SLC26A9: variants seen among roughly 807,000 people sequenced by gnomAD.
SLC26A9 encodes anion transporter/exchanger protein 9.
SLC26A9 carries 46 observed loss-of-function variants against 87.1 expected under a neutral mutation model. The observed-to-expected ratio is 0.53, with a 90% CI of 0.42 to 0.67. The LOEUF (loss-of-function observed/expected upper bound fraction) is 0.67. SLC26A9 is among the 30% of genes least tolerant of loss of function. SLC26A9 has a pLI of 0.00. For synonymous variants in SLC26A9, 437 were observed against 409.1 expected, an observed-to-expected ratio of 1.07 and a Z score of -0.82; for missense variants, 927 against 1,018.3, an observed-to-expected ratio of 0.91 and a Z score of 1.22.
chr1:205,914,782 AGGCCTAGACTCCTG>A lies in SLC26A9; in HGVS notation c.*561_*574del. 2.2e-6 allele frequency: 3 copies of A among 1,387,696 alleles called. No homozygotes were observed. The highest frequency in any genetic ancestry group is 2.9e-6 in the Non-Finnish European group (3 of 1,017,206). 86.0% of individuals were successfully genotyped at this position (1,387,696 alleles called of 1,614,324 possible). On this transcript the variant is annotated 3_prime_UTR_variant, in exon 21 of 21. Coordinates refer to ENST00000367135, the MANE Select transcript of SLC26A9 (RefSeq NM_052934.4). ...ATGGAGGGGGGGCGCATAGTTACCA[AGGCCTAGACTCCTG>A]GGTGTGGAGAGCACATGGTCCCTGG...
Position 205,913,877 on chromosome 1 carries a change from G to A in SLC26A9, c.*1480C>T, listed in dbSNP as rs1658469884. 6.6e-6 allele frequency: 1 copy of A among 152,290 alleles called. No individual in the cohort carries two copies. The highest frequency in any genetic ancestry group is 6.5e-5 in the Admixed American group (1 of 15,286). The allele number at this position is 152,290 out of a possible 1,614,324, so 9.4% of individuals were successfully genotyped here. A position where few individuals can be genotyped will look rare whatever the true frequency, so the allele number is the denominator to read the frequency against. Reference sequence around the variant, plus strand: ...ACACACAGACACACAACGCAGGTCTGGCTGAAGTTAGAAATGGGGATGTTT... The same window carrying A: ...ACACACAGACACACAACGCAGGTCTAGCTGAAGTTAGAAATGGGGATGTTT... On this transcript the variant is annotated 3_prime_UTR_variant, in exon 21 of 21. Coordinates refer to ENST00000367135, the MANE Select transcript of SLC26A9 (RefSeq NM_052934.4).
chr1:205,913,936 G>A lies in SLC26A9; in HGVS notation c.*1421C>T, dbSNP rs1477941436. On this transcript the variant is annotated 3_prime_UTR_variant, in exon 21 of 21. Transcript: ENST00000367135. Reference sequence around the variant, plus strand: ...TGGGCCAGCCCAACCTGTTAGGGAAGGGGTTGTTAAGCTGAAGAAGCTTGA... The same window carrying A: ...TGGGCCAGCCCAACCTGTTAGGGAAAGGGTTGTTAAGCTGAAGAAGCTTGA... 2 of 152,202 alleles carry A rather than the reference G, an allele frequency of 1.3e-5. No homozygotes were observed. The highest frequency in any genetic ancestry group is 4.8e-5 in the African/African-American group (2 of 41,448). 9.4% of individuals were successfully genotyped at this position (152,202 alleles called of 1,614,324 possible). A position where few individuals can be genotyped will look rare whatever the true frequency, so the allele number is the denominator to read the frequency against.
chr1:205,917,178 G>C, intron 20 of SLC26A9, 105 bp downstream of exon 20: 1 of 1,061,902 alleles, frequency 9.4e-7, no homozygotes, highest in Non-Finnish European at 1.4e-6. Flanking sequence ...TGACTGCTCT[G>C]GGCTGGAGGT....
At chr1:205,933,546 G>A (rs532814106) in intron 2 of SLC26A9, among the ~76,000 whole-genome samples, 2 of 152,308 alleles carry the variant, frequency 1.3e-5, no homozygotes, top group East Asian at 1.9e-4. Context: ...ACCCCACCAC[G>A]CATGGCAAGA....
At chr1:205,927,148 A>G (rs1475496750) in intron 11 of SLC26A9, 63 bp downstream of exon 11, 6 of 1,564,898 alleles carry the variant, frequency 3.8e-6, no homozygotes, top group Non-Finnish European at 5.3e-6. Flanking sequence ...GTGCCACACA[A>G]CTCTCAGGGA....
In SLC26A9 at chr1:205,936,140, G is replaced by C. The variant is rs146254902; in HGVS notation, c.-18-302C>G. Among the ~76,000 whole-genome samples, 202 of 152,286 alleles carry C rather than the reference G, an allele frequency of 1.3e-3. 2 individuals carry two copies. The South Asian group carries it at 0.017, about 13-fold the overall frequency. The stretch of plus-strand genomic sequence containing the variant: ...CACCCCCACTGAGCACCAGGCAAAG[G>C]GGAATCACGAGGGCAGGAGGCCCCA... On this transcript the variant is annotated intron_variant, in intron 1 of 20. Transcript: ENST00000367135.
chr1:205,934,739 T>C (rs925259867), intron 2 of SLC26A9, among the ~76,000 whole-genome samples: 1 of 152,240 alleles, frequency 6.6e-6, no homozygotes, highest in African/African-American at 2.4e-5. Flanking sequence ...CCTCAGACTT[T>C]GTGCCCTAAA....
intron 2 of SLC26A9, 138 bp downstream of exon 2, chr1:205,935,558 T>C: frequency 1.5e-6 from 2 of 1,347,648 alleles, no homozygotes; most frequent in Non-Finnish European, 2.0e-6. Flanking sequence ...GATCTTAAAT[T>C]CATCATTCAG....
Position 205,915,098 on chromosome 1 carries a change from C to A in SLC26A9, c.*259G>T, listed in dbSNP as rs34309781. ...GAGTGAGCAGGAGGCTTGTCCATTG[C>A]GGCCAGGGCCTGACGGGTGAAGAGT... is the stretch of plus-strand genomic sequence containing the variant. On this transcript the variant is annotated 3_prime_UTR_variant, in exon 21 of 21. Coordinates refer to ENST00000367135, the MANE Select transcript of SLC26A9 (RefSeq NM_052934.4). 26,039 of 1,613,942 alleles carry A rather than the reference C, an allele frequency of 0.016. 441 individuals are homozygous for A. Among genetic ancestry groups the A allele is most frequent in the Admixed American group, 0.084 (5,047 of 60,002 alleles).
At chr1:205,926,725 C>T (rs984006827) in intron 11 of SLC26A9, 95 bp from the exon 12 acceptor site, 87 of 1,006,784 alleles carry the variant, frequency 8.6e-5, no homozygotes, top group Non-Finnish European at 1.2e-4. Context: ...AGGACAGAGA[C>T]GGAGTTCTGG....
At chr1:205,936,008 C>T (rs1224717034) in intron 1 of SLC26A9, among the ~76,000 whole-genome samples, 170 bp from the exon 2 acceptor site, 1 of 152,188 alleles carries the variant, frequency 6.6e-6, no homozygotes, top group Non-Finnish European at 1.5e-5. Flanking sequence ...AGACTCCCTG[C>T]TCGCAGTGGC....
Position 205,915,257 on chromosome 1 carries a change from A to C in SLC26A9, c.*100T>G, listed in dbSNP as rs1352569642. 6.3e-7 allele frequency: 1 copy of C among 1,599,732 alleles called. No individual in the cohort carries two copies. The highest frequency in any genetic ancestry group is 8.5e-7 in the Non-Finnish European group (1 of 1,171,912). ...GAGGAACCCAAGCTCTGGGGGATGC[A>C]CTTTCCTCCGCCCGACACCCCCTGT... On this transcript the variant is annotated 3_prime_UTR_variant, in exon 21 of 21. Coordinates refer to ENST00000367135, the MANE Select transcript of SLC26A9 (RefSeq NM_052934.4).
chr1:205,924,431 G>A lies in SLC26A9; in HGVS notation c.1448C>T (p.Ala483Val), dbSNP rs1259513095. The change falls in exon 13 of 21, where the codon GCA (alanine) becomes GTA (valine). Residue 483 changes from alanine to valine, a missense_variant. Physicochemically the swap from Ala to Val is moderately conservative, Grantham distance 64. Coordinates refer to ENST00000367135, the MANE Select transcript of SLC26A9 (RefSeq NM_052934.4). ...CAGGACGGAGAAGGCGACACCCACTGCCACACCATAGGGCAGGCTGAGGAA... is the reference window on the plus strand; with the variant it reads ...CAGGACGGAGAAGGCGACACCCACTACCACACCATAGGGCAGGCTGAGGAA... ...SFFLSLPYGVAVGVAFSVLVV... is the reference protein window; with the variant it reads ...SFFLSLPYGVVVGVAFSVLVV... The A allele has an allele frequency of 1.9e-5, 30 of 1,614,088 alleles. No homozygotes were observed. In the Admixed American group the frequency reaches 4.8e-4, roughly 26 times the overall value.
At chr1:205,917,224 A>T (rs1658629937) in intron 20 of SLC26A9, 59 bp downstream of exon 20, 14 of 1,579,108 alleles carry the variant, frequency 8.9e-6, no homozygotes, top group Non-Finnish European at 1.1e-5. Context: ...TTTGACAGCG[A>T]CCCCATCCTT....
At chr1:205,921,023 C>T (rs1349937613) in intron 17 of SLC26A9, among the ~76,000 whole-genome samples, 1 of 152,254 alleles carries the variant, frequency 6.6e-6, no homozygotes, top group Non-Finnish European at 1.5e-5. Context: ...CATTGTTCCC[C>T]TGGCTTGCCT....
Position 205,913,956 on chromosome 1 carries a change from G to C in SLC26A9, c.*1401C>G, listed in dbSNP as rs1658472366. 6.6e-6 allele frequency: 1 copy of C among 152,184 alleles called. No individual in the cohort carries two copies. The highest frequency in any genetic ancestry group is 1.5e-5 in the Non-Finnish European group (1 of 68,034). 9.4% of individuals were successfully genotyped at this position (152,184 alleles called of 1,614,324 possible). ...GGGAAGGGGTTGTTAAGCTGAAGAA[G>C]CTTGAGAAAAGCAGTGATGAGAGGC... is the stretch of plus-strand genomic sequence containing the variant. On this transcript the variant is annotated 3_prime_UTR_variant, in exon 21 of 21. Transcript: ENST00000367135.
chr1:205,924,344 A>C (rs1571738214), intron 13 of SLC26A9, 39 bp downstream of exon 13: 1 of 1,590,952 alleles, frequency 6.3e-7, no homozygotes, highest in Non-Finnish European at 8.6e-7. Flanking sequence ...GGCCCAGGGA[A>C]CCGACTGTGG....
chr1:205,928,782 G>T, intron 8 of SLC26A9, 45 bp downstream of exon 8: 3 of 1,585,646 alleles, frequency 1.9e-6, no homozygotes, highest in Non-Finnish European at 2.6e-6. Context: ...CCTTAGTGGG[G>T]CATGAGGTGC....
At position 205,927,286 on chromosome 1, in the gene SLC26A9, C is replaced by T. The variant is rs955329168; in HGVS notation, c.1218G>A (p.Val406=). The stretch of plus-strand genomic sequence containing the variant: ...CCACCAGAGACACACACAGGCTGGC[C>T]ACCTATTCCGAGAAAGAGTTGGGGA... ...AVDGAGGKSQ[V]ASLCVSLVVM... is the part of the protein sequence containing the mutation. The change falls in exon 11 of 21, where the codon GTG becomes GTA. Residue 406 remains valine, a splice_region_variant and synonymous_variant. Transcript: ENST00000367135. 30 of 1,614,026 alleles carry T rather than the reference C, an allele frequency of 1.9e-5. No individual in the cohort carries two copies. Among genetic ancestry groups the T allele is most frequent in the Non-Finnish European group, 2.3e-5 (27 of 1,180,030 alleles).
Sources: allele counts gnomAD v4.1 joint callset (sites outside exome capture counted in the v4.1 genomes callset), GRCh38; gene constraint gnomAD v4.1.1; transcripts MANE v1.5; gene names NCBI Gene and HGNC (gene_info 2026-07-23, HGNC 2026-07-21).